The following KIAA0930 variants were observed in gnomAD, a reference collection of about 807,000 sequenced individuals.
KIAA0930 encodes uncharacterized protein KIAA0930.
KIAA0930 carries 24 observed loss-of-function variants against 43.9 expected under a neutral mutation model. That is an observed-to-expected ratio of 0.55 (90% CI 0.40 to 0.77). KIAA0930 has a LOEUF of 0.77. KIAA0930 is among the 30% of genes least tolerant of loss of function. The pLI, the probability that KIAA0930 is intolerant of heterozygous loss-of-function variation, is 0.00. For missense variants in KIAA0930, 461 were observed against 574.2 expected (o/e 0.80, Z 2.02); for synonymous variants, 259 against 216.4 (o/e 1.20, Z -1.73).
chr22:45,240,621 GC>G lies in KIAA0930; in HGVS notation c.64+18del, dbSNP rs2147772134. ...CGCTCACCTCTCCCGGCCCGGCCTC[GC>G]CCCCGGGTCCCACTCACCGAGGCCG... On this transcript the variant is annotated intron_variant, in intron 1 of 9. Coordinates refer to ENST00000336156, the MANE Select transcript of KIAA0930 (RefSeq NM_001009880.2). 8 of 1,514,828 alleles carry G rather than the reference GC, an allele frequency of 5.3e-6. No homozygotes were observed. The highest frequency in any genetic ancestry group is 2.5e-5 in the East Asian group (1 of 40,222). The allele number at this position is 1,514,828 out of a possible 1,614,324, so 93.8% of individuals were successfully genotyped here.
At position 45,193,841 on chromosome 22, in the gene KIAA0930, A is replaced by G. The variant is rs1345008934; in HGVS notation, c.*3335T>C. On this transcript the variant is annotated 3_prime_UTR_variant, in exon 10 of 10. Coordinates refer to ENST00000336156, the MANE Select transcript of KIAA0930 (RefSeq NM_001009880.2). ...ACTACCGGAACTTACAGGTGCCAAA[A>G]GAAGAAAGGGTATAAACGGAGACCA... 6.6e-6 allele frequency: 1 copy of G among 152,180 alleles called. No individual in the cohort carries two copies. The highest frequency in any genetic ancestry group is 6.5e-5 in the Admixed American group (1 of 15,270). 9.4% of individuals were successfully genotyped at this position (152,180 alleles called of 1,614,324 possible).
chr22:45,204,625 C>T (rs577464226), intron 5 of KIAA0930, among the ~76,000 whole-genome samples: 7 of 152,092 alleles, frequency 4.6e-5, no homozygotes, highest in African/African-American at 1.2e-4. Context: ...ACCTTGGATG[C>T]GCACAAGGAC....
chr22:45,239,934 C>T (rs756732773), intron 1 of KIAA0930, among the ~76,000 whole-genome samples: 4 of 152,082 alleles, frequency 2.6e-5, no homozygotes, highest in African/African-American at 4.8e-5. Flanking sequence ...ACCTCACTGG[C>T]TGGGAGACCC....
chr22:45,227,886 G>C (rs1255835506), intron 1 of KIAA0930, among the ~76,000 whole-genome samples: 2 of 152,182 alleles, frequency 1.3e-5, no homozygotes, highest in Admixed American at 6.5e-5. Flanking sequence ...CCCGGGAGCT[G>C]AGCAGCAGCT....
chr22:45,193,417 A>G lies in KIAA0930; in HGVS notation c.*3759T>C, dbSNP rs1430743211. 6.6e-6 allele frequency: 1 copy of G among 152,082 alleles called. No homozygotes were observed. Among genetic ancestry groups the G allele is most frequent in the Admixed American group, 6.6e-5 (1 of 15,262 alleles). 9.4% of individuals were successfully genotyped at this position (152,082 alleles called of 1,614,324 possible). ...CTGCACAGGGCCTTTCCTCTGGGAC[A>G]TCTTTTAATGAAAAAAAAAAGTTTT... On this transcript the variant is annotated 3_prime_UTR_variant, in exon 10 of 10. Coordinates refer to ENST00000336156, the MANE Select transcript of KIAA0930 (RefSeq NM_001009880.2).
chr22:45,206,032 T>C, intron 2 of KIAA0930, 120 bp from the exon 3 acceptor site: 1 of 1,501,914 alleles, frequency 6.7e-7, no homozygotes, highest in Non-Finnish European at 8.9e-7. Flanking sequence ...TTACTATTTT[T>C]TGAGACAGGG....
At chr22:45,210,435 C>T (rs1017831570) in intron 2 of KIAA0930, among the ~76,000 whole-genome samples, 1 of 152,160 alleles carries the variant, frequency 6.6e-6, no homozygotes, top group African/African-American at 2.4e-5. Flanking sequence ...ACCATCCACC[C>T]CCCTGCCAAG....
chr22:45,215,823 G>C (rs989134844), intron 1 of KIAA0930, among the ~76,000 whole-genome samples: 43 of 152,294 alleles, frequency 2.8e-4, no homozygotes, highest in African/African-American at 1.0e-3. Context: ...TCAGTCATAA[G>C]ATTATAATAC....
chr22:45,219,614 G>C (rs1226771456), intron 1 of KIAA0930, among the ~76,000 whole-genome samples: 1 of 94,466 alleles, frequency 1.1e-5, no homozygotes, highest in Non-Finnish European at 1.9e-5. Context: ...TTTTTTTTAA[G>C]ATGGAGTCTC....
rs1051221289 is a variant in KIAA0930 at position 45,240,841 on chromosome 22, TCGC to T, written c.-141_-139del. 0.011 allele frequency: 26 copies of T among 2,304 alleles called. No homozygotes were observed. The highest frequency in any genetic ancestry group is 0.024 in the African/African-American group (5 of 212). The allele number at this position is 2,304 out of a possible 1,614,324, so 0.1% of individuals were successfully genotyped here. ...CAGTCCGCCTCTGTGCGCGTCGCCG[TCGC>T]CGCCGCCGCCGCCACCACCCGCCAA... On this transcript the variant is annotated 5_prime_UTR_variant, in exon 1 of 10. Coordinates refer to ENST00000336156, the MANE Select transcript of KIAA0930 (RefSeq NM_001009880.2).
chr22:45,199,821 C>A, intron 8 of KIAA0930, 52 bp downstream of exon 8: 1 of 1,424,752 alleles, frequency 7.0e-7, no homozygotes. Flanking sequence ...TGGTCTGGAT[C>A]AAGAAGAGAC....
At chr22:45,204,823 C>G (rs956440353) in intron 5 of KIAA0930, among the ~76,000 whole-genome samples, 38 of 152,244 alleles carry the variant, frequency 2.5e-4, no homozygotes, top group Admixed American at 9.8e-4. Context: ...CCCTCTTTGA[C>G]ATCCTAGGAT....
intron 1 of KIAA0930, among the ~76,000 whole-genome samples, chr22:45,215,527 C>T (rs376475656): frequency 4.6e-5 from 7 of 152,254 alleles, no homozygotes; most frequent in East Asian, 1.9e-4. Flanking sequence ...ATGAAGACGA[C>T]GAAAGGAAAG....
chr22:45,237,077 G>C (rs1380175568), intron 1 of KIAA0930, among the ~76,000 whole-genome samples: 1 of 152,250 alleles, frequency 6.6e-6, no homozygotes, highest in African/African-American at 2.4e-5. Flanking sequence ...CTGAGGCCCA[G>C]GGCCCAGGAG....
chr22:45,237,490 G>A (rs974697950), intron 1 of KIAA0930, among the ~76,000 whole-genome samples: 5 of 152,202 alleles, frequency 3.3e-5, no homozygotes, highest in African/African-American at 1.2e-4. Context: ...GATGACCCCT[G>A]AGTGAGGAGG....
At chr22:45,211,746 G>A (rs868305661) in intron 2 of KIAA0930, among the ~76,000 whole-genome samples, 6 of 152,342 alleles carry the variant, frequency 3.9e-5, no homozygotes, top group South Asian at 4.1e-4. Context: ...CAGTGAAGAT[G>A]AATGACAATG....
intron 1 of KIAA0930, among the ~76,000 whole-genome samples, chr22:45,216,868 GCCTTCCCTC>G (rs1348337930): frequency 6.6e-6 from 1 of 152,114 alleles, no homozygotes; most frequent in African/African-American, 2.4e-5. Context: ...TCACGGCCCT[GCCTTCCCTC>G]CCTTCCCTCC....
chr22:45,234,957 A>T lies in KIAA0930; in HGVS notation c.64+5683T>A, dbSNP rs564366204. Among the ~76,000 whole-genome samples, 3 of 152,222 alleles carry T rather than the reference A, an allele frequency of 2.0e-5. No individual in the cohort carries two copies. In the South Asian group the frequency reaches 6.2e-4, roughly 32 times the overall value. On this transcript the variant is annotated intron_variant, in intron 1 of 9. Coordinates refer to ENST00000336156, the MANE Select transcript of KIAA0930 (RefSeq NM_001009880.2). ...TGTCTCTGGGTAATTGGAACTAGGC[A>T]TAATTGTTTCCTATTTTCTAGTTTC...
chr22:45,197,720 G>A lies in KIAA0930; in HGVS notation c.1174+70C>T, dbSNP rs543198961. The A allele has an allele frequency of 2.6e-6, 4 of 1,555,680 alleles. No individual in the cohort carries two copies. The Admixed American group carries it at 5.1e-5, about 20-fold the overall frequency. On this transcript the variant is annotated intron_variant, in intron 9 of 9. Transcript: ENST00000336156. Reference sequence around the variant, plus strand: ...CGGGATGACTCCGGGTGGCTCACAAGTACCAAGGCCCTGGAGGCAGAGCTG... The same window carrying A: ...CGGGATGACTCCGGGTGGCTCACAAATACCAAGGCCCTGGAGGCAGAGCTG...
Sources: gnomAD v4.1 joint callset for allele counts (sites outside exome capture counted in the v4.1 genomes callset) on GRCh38, gnomAD v4.1.1 for gene constraint, MANE v1.5 for transcripts, NCBI Gene and HGNC (gene_info 2026-07-23, HGNC 2026-07-21) for gene names.